Variants in E2F7 observed in about 807,000 individuals in gnomAD.
The protein encoded by E2F7 is transcription factor E2F7.
A neutral mutation model predicts 81.1 loss-of-function variants in E2F7; 35 were observed. The ratio of observed to expected loss-of-function variants is 0.43; its 90% CI spans 0.33 to 0.57. The LOEUF (loss-of-function observed/expected upper bound fraction) is 0.57. Among genes scored for constraint, E2F7 ranks in the 20% least tolerant of loss-of-function variants. The pLI is 0.04. For missense variants in E2F7, 961 were observed against 1,093.7 expected, an observed-to-expected ratio of 0.88 and a Z score of 1.71; for synonymous variants, 416 against 416.2, an observed-to-expected ratio of 1.00 and a Z score of 0.01.
intron 2 of E2F7, among the ~76,000 whole-genome samples, chr12:77,058,746 T>C (rs1955054506): frequency 6.6e-6 from 1 of 152,214 alleles, no homozygotes; most frequent in Non-Finnish European, 1.5e-5. Context: ...GAGCGCTCGA[T>C]AAAACTTAGC....
At position 77,049,137 on chromosome 12, in the gene E2F7, C is replaced by T. The variant is rs144073352; in HGVS notation, c.538+1439G>A. ...ATTCTAGTCTGTTTTCATATATTAA[C>T]ACATCTTGTTGAGGGAGTATAACAT... On this transcript the variant is annotated intron_variant, in intron 4 of 12. Coordinates refer to ENST00000322886, the MANE Select transcript of E2F7 (RefSeq NM_203394.3). 4.2e-3 allele frequency among the ~76,000 whole-genome samples: 634 copies of T among 152,238 alleles called. 5 individuals carry two copies. The highest frequency in any genetic ancestry group is 0.014 in the African/African-American group (602 of 41,524).
intron 1 of E2F7, among the ~76,000 whole-genome samples, chr12:77,065,067 C>T (rs1955107661): frequency 6.6e-6 from 1 of 152,178 alleles, no homozygotes; most frequent in East Asian, 1.9e-4. Flanking sequence ...ACCCACTCAG[C>T]GCTGAGCGCA....
At chr12:77,028,614 C>CCCG (rs1406062337) in intron 10 of E2F7, among the ~76,000 whole-genome samples, 1 of 151,970 alleles carries the variant, frequency 6.6e-6, no homozygotes, top group Admixed American at 6.6e-5. Context: ...ACTAGAGGTG[C>CCCG]CCGCCACCAC....
chr12:77,024,095 T>A lies in E2F7; in HGVS notation c.2656A>T (p.Lys886Ter), dbSNP rs775872123. Residue 886 changes from lysine (K) to a stop codon, truncating the protein, a stop_gained, in exon 13 of 13, where the codon AAG becomes TAG. Transcript: ENST00000322886. LOFTEE classifies it high-confidence loss of function. ...TPGSLGDPVL[K>*]RRERNQSRNT... is the part of the protein sequence containing the mutation. The stretch of plus-strand genomic sequence containing the variant: ...CGTGACTGGTTCCTTTCTCTTCTCT[T>A]CAGGACAGGGTCTCCAAGGCTGCCG... The A allele has an allele frequency of 6.2e-7, 1 of 1,613,970 alleles. No individual in the cohort carries two copies. The highest frequency in any genetic ancestry group is 1.7e-5 in the Admixed American group (1 of 60,004).
intron 6 of E2F7, chr12:77,044,310 G>C (rs1475191122): frequency 3.3e-5 from 16 of 480,530 alleles, no homozygotes; most frequent in Non-Finnish European, 6.6e-5. Context: ...AAAGGGGAAA[G>C]AAAACTCAGA....
intron 3 of E2F7, among the ~76,000 whole-genome samples, chr12:77,053,023 C>A (rs1038836938): frequency 6.6e-6 from 1 of 152,100 alleles, no homozygotes; most frequent in Non-Finnish European, 1.5e-5. Flanking sequence ...TTTCAAGTGT[C>A]AGAGAGGATA....
Position 77,043,157 on chromosome 12 carries a change from C to T in E2F7, c.1031G>A (p.Ser344Asn), listed in dbSNP as rs749593369. The T allele has an allele frequency of 1.2e-6, 2 of 1,614,146 alleles. No homozygotes were observed. The highest frequency in any genetic ancestry group is 1.7e-6 in the Non-Finnish European group (2 of 1,180,028). Residue 344 changes from serine to asparagine, a missense_variant, in exon 7 of 13, where the codon AGC (serine) becomes AAC (asparagine). Physicochemically the swap from Ser to Asn is conservative, Grantham distance 46. Around this residue, in one of 3 missense-constraint regions of E2F7, gnomAD observed 301 missense variants for 405.0 expected, o/e 0.74. Transcript: ENST00000322886. ...ATGCACTTTCTTTATCAGAGCCAAG[C>T]TGGTCAGAACATTGGCTATGTCATA... ...RLYDIANVLT[S>N]LALIKKVHVT...
At chr12:77,032,324 C>T (rs974741443) in intron 9 of E2F7, among the ~76,000 whole-genome samples, 4 of 152,190 alleles carry the variant, frequency 2.6e-5, no homozygotes, top group Non-Finnish European at 4.4e-5. Flanking sequence ...ATGATTTTTC[C>T]TTTTCCTGTC....
chr12:77,028,461 G>A (rs1954777301), intron 10 of E2F7, among the ~76,000 whole-genome samples: 1 of 149,548 alleles, frequency 6.7e-6, no homozygotes, highest in Non-Finnish European at 1.5e-5. Context: ...CAAAGTACTG[G>A]GATTAGTAAA....
chr12:77,023,958 C>CGGACAT lies in E2F7; in HGVS notation c.*51_*56dup. ...GGACGGGATGGTTTGCATCCCGCCT[C>CGGACAT]GGACATCCGGGACTCTCAGGGCGTT... On this transcript the variant is annotated 3_prime_UTR_variant, in exon 13 of 13. Transcript: ENST00000322886. The CGGACAT allele has an allele frequency of 1.3e-6, 2 of 1,580,488 alleles. No homozygotes were observed. The highest frequency in any genetic ancestry group is 1.7e-6 in the Non-Finnish European group (2 of 1,164,908).
intron 4 of E2F7, among the ~76,000 whole-genome samples, 195 bp from the exon 5 acceptor site, chr12:77,046,523 C>T (rs1362183744): frequency 2.0e-5 from 3 of 152,194 alleles, no homozygotes; most frequent in African/African-American, 7.2e-5. Context: ...TTCTTGAGAT[C>T]CAACCCTTAA....
Position 77,023,903 on chromosome 12 carries a change from G to T in E2F7, c.*112C>A. 1 of 1,275,550 alleles carries T rather than the reference G, an allele frequency of 7.8e-7. No homozygotes were observed. Among genetic ancestry groups the T allele is most frequent in the Non-Finnish European group, 1.1e-6 (1 of 922,088 alleles). The allele number at this position is 1,275,550 out of a possible 1,614,324, so 79.0% of individuals were successfully genotyped here. The stretch of plus-strand genomic sequence containing the variant: ...GTGGTGGGAAGTTAACAGAAGTGTG[G>T]ATGAAAGAGAGAGGAAGGACCCGTG... On this transcript the variant is annotated 3_prime_UTR_variant, in exon 13 of 13. Coordinates refer to ENST00000322886, the MANE Select transcript of E2F7 (RefSeq NM_203394.3).
At chr12:77,044,221 C>T (rs1203281662) in intron 6 of E2F7, 1 of 454,108 alleles carries the variant, frequency 2.2e-6, no homozygotes, top group African/African-American at 2.0e-5. Flanking sequence ...ACCACCCTTA[C>T]CCTGGCCATT....
chr12:77,056,645 G>A (rs1474764861), intron 2 of E2F7, among the ~76,000 whole-genome samples: 1 of 152,104 alleles, frequency 6.6e-6, no homozygotes, highest in Non-Finnish European at 1.5e-5. Context: ...TCATTCTCCA[G>A]AGCAGTGCAT....
At position 77,024,078 on chromosome 12, in the gene E2F7, G is replaced by C; in HGVS notation, c.2673C>G (p.Asn891Lys). ...GGGCCGAGCTGGTGTTTCGTGACTG[G>C]TTCCTTTCTCTTCTCTTCAGGACAG... The part of the protein sequence containing the change: ...GDPVLKRRER[N>K]QSRNTSSAQR... Residue 891 changes from asparagine to lysine, a missense_variant, in exon 13 of 13, where the codon AAC becomes AAG. Coordinates refer to ENST00000322886, the MANE Select transcript of E2F7 (RefSeq NM_203394.3). 6.2e-7 allele frequency: 1 copy of C among 1,614,062 alleles called. No homozygotes were observed. The highest frequency in any genetic ancestry group is 8.5e-7 in the Non-Finnish European group (1 of 1,180,014).
At chr12:77,035,605 C>T (rs768797834) in intron 7 of E2F7, among the ~76,000 whole-genome samples, 1 of 152,196 alleles carries the variant, frequency 6.6e-6, no homozygotes, top group Admixed American at 6.5e-5. Context: ...TTCCATGTAA[C>T]TTCACCACAT....
chr12:77,059,534 C>T (rs150235259), intron 2 of E2F7, among the ~76,000 whole-genome samples: 268 of 152,256 alleles, frequency 1.8e-3, no homozygotes, highest in African/African-American at 6.2e-3. Context: ...CTGGGATGTA[C>T]CCTGATCTCT....
chr12:77,050,892 C>T, intron 3 of E2F7, 148 bp from the exon 4 acceptor site: 2 of 805,306 alleles, frequency 2.5e-6, no homozygotes. Flanking sequence ...TAATCTAATT[C>T]CCTGAATGTT....
In E2F7 at chr12:77,023,667, A is replaced by G. The variant is rs1327838978; in HGVS notation, c.*348T>C. 1.1e-5 allele frequency: 2 copies of G among 178,718 alleles called. No homozygotes were observed. Among genetic ancestry groups the G allele is most frequent in the East Asian group, 1.5e-4 (1 of 6,670 alleles). 11.1% of individuals were successfully genotyped at this position (178,718 alleles called of 1,614,324 possible). A position where few individuals can be genotyped will look rare whatever the true frequency, so the allele number is the denominator to read the frequency against. On this transcript the variant is annotated 3_prime_UTR_variant, in exon 13 of 13. Transcript: ENST00000322886. The stretch of plus-strand genomic sequence containing the variant: ...TCAGGGCAAGTGGAAATACATGTTA[A>G]GAATGCTTACCCTAGTTAAGTGCTA...
Sources: gnomAD v4.1 joint callset for allele counts (sites outside exome capture counted in the v4.1 genomes callset) on GRCh38, gnomAD v4.1.1 for gene constraint, gnomAD v4.1.1 regional missense constraint, MANE v1.5 for transcripts, NCBI Gene and HGNC (gene_info 2026-07-23, HGNC 2026-07-21) for gene names.